SDK1: variants seen among roughly 807,000 people sequenced by gnomAD.
SDK1 encodes the protein sidekick cell adhesion molecule 1, also known as protein sidekick-1.
Under a neutral mutation model 245.5 loss-of-function variants are expected in SDK1, and 157 were observed. That is an observed-to-expected ratio of 0.64 (90% CI 0.56 to 0.73). The LOEUF (loss-of-function observed/expected upper bound fraction) is 0.73, where lower values mean the gene tolerates loss of function less well. Ranked by LOEUF, SDK1 falls within the 30% of genes least tolerant of loss-of-function variation. The pLI, the probability that SDK1 is intolerant of heterozygous loss-of-function variation, is 0.00. For missense variants in SDK1, 3,583 were observed against 3,002.3 expected, an observed-to-expected ratio of 1.19 and a Z score of -4.52; for synonymous variants, 1,647 against 1,278.5, an observed-to-expected ratio of 1.29 and a Z score of -6.15.
chr7:3,621,980 T>C (rs925394036), intron 2 of SDK1, among the ~76,000 whole-genome samples: 1 of 152,208 alleles, frequency 6.6e-6, no homozygotes, highest in African/African-American at 2.4e-5. Flanking sequence ...AACAGTTTAT[T>C]ATAAAGCAGG....
At position 4,253,383 on chromosome 7, in the gene SDK1, T is replaced by G. The variant is rs534940344; in HGVS notation, c.6381+7578T>G. On this transcript the variant is annotated intron_variant, in intron 44 of 44. Transcript: ENST00000404826. ...TTTAATTTTCTGTGTAATTTCTTCT[T>G]TGACACATTCGTTATTTAGGAGTGT... is the stretch of plus-strand genomic sequence containing the variant. Among the ~76,000 whole-genome samples the G allele has an allele frequency of 1.2e-3, 178 of 152,264 alleles. 2 individuals are homozygous for G. Among genetic ancestry groups the G allele is most frequent in the African/African-American group, 4.2e-3 (176 of 41,530 alleles).
intron 4 of SDK1, among the ~76,000 whole-genome samples, chr7:3,800,178 A>T (rs1032585396): frequency 3.3e-5 from 5 of 152,044 alleles, no homozygotes; most frequent in Non-Finnish European, 7.4e-5. Flanking sequence ...CTGTGTGTCT[A>T]ATATTATGGG....
chr7:3,961,419 T>C (rs1781672652), intron 8 of SDK1, among the ~76,000 whole-genome samples: 1 of 152,238 alleles, frequency 6.6e-6, no homozygotes, highest in Non-Finnish European at 1.5e-5. Context: ...ATCTCACACC[T>C]ACCCACACGC....
intron 5 of SDK1, among the ~76,000 whole-genome samples, chr7:3,942,844 A>G (rs1009006188): frequency 2.6e-5 from 4 of 152,176 alleles, no homozygotes; most frequent in African/African-American, 7.2e-5. Flanking sequence ...CTCGTTGGAA[A>G]TGTCTATTTA....
At chr7:3,783,279 G>T (rs1780802090) in intron 4 of SDK1, among the ~76,000 whole-genome samples, 1 of 152,148 alleles carries the variant, frequency 6.6e-6, no homozygotes, top group Non-Finnish European at 1.5e-5. Context: ...GTGAAAAATT[G>T]AAAGCCTTTC....
At chr7:3,454,757 A>G (rs1780622554) in intron 1 of SDK1, among the ~76,000 whole-genome samples, 1 of 152,178 alleles carries the variant, frequency 6.6e-6, no homozygotes, top group Non-Finnish European at 1.5e-5. Context: ...TTTGGAGGAC[A>G]TCTAGGTTAC....
chr7:3,614,848 A>G (rs868730709), intron 1 of SDK1, among the ~76,000 whole-genome samples: 18 of 143,998 alleles, frequency 1.3e-4, no homozygotes, highest in Non-Finnish European at 6.4e-5. Context: ...TGCTAACCAT[A>G]ATTTTACGGC....
chr7:3,557,764 C>T (rs139130650), intron 1 of SDK1, among the ~76,000 whole-genome samples: 6 of 152,010 alleles, frequency 3.9e-5, no homozygotes, highest in Non-Finnish European at 8.8e-5. Context: ...GTTAAATTTT[C>T]GATTAAAAAA....
At chr7:3,891,465 A>G (rs746727725) in intron 5 of SDK1, among the ~76,000 whole-genome samples, 1 of 152,162 alleles carries the variant, frequency 6.6e-6, no homozygotes, top group Non-Finnish European at 1.5e-5. Flanking sequence ...TTAGATCTCA[A>G]ATGCCACGGT....
At chr7:3,559,598 A>G (rs771348551) in intron 1 of SDK1, among the ~76,000 whole-genome samples, 7 of 152,174 alleles carry the variant, frequency 4.6e-5, no homozygotes, top group Non-Finnish European at 1.0e-4. Context: ...AGTGTCTTGC[A>G]AGAGCTTTCA....
At chr7:3,644,147 C>G (rs1428065859) in intron 4 of SDK1, among the ~76,000 whole-genome samples, 6 of 150,816 alleles carry the variant, frequency 4.0e-5, no homozygotes, top group Admixed American at 3.3e-4. Flanking sequence ...AATGATCCAC[C>G]TGCCTCGGCC....
intron 19 of SDK1, among the ~76,000 whole-genome samples, chr7:4,061,280 A>G (rs1481761599): frequency 6.6e-6 from 1 of 152,038 alleles, no homozygotes. Context: ...ATGAGCATGG[A>G]ATGTTCTTCC....
intron 2 of SDK1, among the ~76,000 whole-genome samples, chr7:3,627,933 C>G (rs191311647): frequency 8.8e-4 from 134 of 152,254 alleles, no homozygotes; most frequent in East Asian, 1.9e-4. Context: ...TCCCATCAGC[C>G]AAGCCATTTG....
intron 22 of SDK1, among the ~76,000 whole-genome samples, chr7:4,087,757 C>T (rs1334441146): frequency 6.6e-6 from 1 of 152,062 alleles, no homozygotes; most frequent in Non-Finnish European, 1.5e-5. Flanking sequence ...AGACCTGGTT[C>T]CCCCCTTTTT....
chr7:3,807,499 C>T (rs1229620013), intron 4 of SDK1, among the ~76,000 whole-genome samples: 1 of 152,142 alleles, frequency 6.6e-6, no homozygotes, highest in Non-Finnish European at 1.5e-5. Flanking sequence ...CTACCATAGG[C>T]CAGGCCTTTC....
chr7:4,001,797 G>T (rs1785097269), intron 14 of SDK1, among the ~76,000 whole-genome samples: 1 of 152,190 alleles, frequency 6.6e-6, no homozygotes, highest in South Asian at 2.1e-4. Flanking sequence ...GTTCTATGAA[G>T]TCTTTGTCTG....
rs551949300 is a variant in SDK1, at chr7:3,374,574, C to T, written c.298+72690C>T. ...CACTATACAGGTCTTCCAATTTAAC[C>T]TACACTATATTTTTACTGGCCTTTT... On this transcript the variant is annotated intron_variant, in intron 1 of 44. Coordinates refer to ENST00000404826, the MANE Select transcript of SDK1 (RefSeq NM_152744.4). Among the ~76,000 whole-genome samples the T allele has an allele frequency of 3.1e-3, 469 of 152,230 alleles. 1 individual carries two copies. The highest frequency in any genetic ancestry group is 0.011 in the African/African-American group (441 of 41,516).
chr7:3,780,051 G>A (rs180748974), intron 4 of SDK1, among the ~76,000 whole-genome samples: 2 of 152,158 alleles, frequency 1.3e-5, no homozygotes, highest in East Asian at 3.9e-4. Context: ...TGAACTTGCA[G>A]CTGTCCACAG....
At chr7:4,221,730 C>T (rs116083510) in intron 40 of SDK1, among the ~76,000 whole-genome samples, 396 of 152,292 alleles carry the variant, frequency 2.6e-3, no homozygotes, top group African/African-American at 9.2e-3. Flanking sequence ...TAAATGTTTG[C>T]TGCCGAGATG....
Sources: gnomAD v4.1 joint callset for allele counts (sites outside exome capture counted in the v4.1 genomes callset) on GRCh38, gnomAD v4.1.1 for gene constraint, MANE v1.5 for transcripts, NCBI Gene and HGNC (gene_info 2026-07-23, HGNC 2026-07-21) for gene names.